The following BMPR2 variants were observed in gnomAD, a reference collection of about 807,000 sequenced individuals.
BMPR2 encodes bone morphogenetic protein receptor type 2, also known as bone morphogenetic protein receptor type-2.
In BMPR2, 29 loss-of-function variants were observed where a neutral mutation model predicts 100.8. The ratio of observed to expected loss-of-function variants is 0.29; its 90% confidence interval spans 0.21 to 0.39. The LOEUF (loss-of-function observed/expected upper bound fraction) is 0.39. Among genes scored for constraint, BMPR2 ranks in the 10% least tolerant of loss-of-function variants. The probability of loss-of-function intolerance (pLI) is 1.00; values close to 1 mark genes in which losing one functional copy is unlikely to be tolerated. For synonymous variants in BMPR2, 382 were observed against 442.3 expected (o/e 0.86, Z 1.71); for missense variants, 1,011 against 1,274.5 (o/e 0.79, Z 3.15).
intron 1 of BMPR2, among the ~76,000 whole-genome samples, chr2:202,386,127 T>C (rs1690421855): frequency 6.6e-6 from 1 of 152,216 alleles, no homozygotes; most frequent in African/African-American, 2.4e-5. Context: ...ATTCAGTCTT[T>C]AGACCTTTTC....
chr2:202,457,438 TATA>T (rs1188820675), intron 1 of BMPR2, among the ~76,000 whole-genome samples: 3 of 151,452 alleles, frequency 2.0e-5, no homozygotes, highest in African/African-American at 7.2e-5. Context: ...AATATAGATT[TATA>T]ATGACTTTTT....
chr2:202,507,541 T>C (rs902190607), intron 3 of BMPR2, among the ~76,000 whole-genome samples: 5 of 151,134 alleles, frequency 3.3e-5, no homozygotes, highest in African/African-American at 1.2e-4. Context: ...AGGCATGCAC[T>C]ACCACACCCA....
intron 10 of BMPR2, among the ~76,000 whole-genome samples, chr2:202,548,133 G>A (rs1490893436): frequency 6.6e-6 from 1 of 151,552 alleles, no homozygotes; most frequent in East Asian, 1.9e-4. Context: ...TTGCCCTCTG[G>A]TCTTTTTAAG....
At chr2:202,485,545 C>CTTTTTCTTTTTTTTTTTTTTTT (rs1692756931) in intron 3 of BMPR2, among the ~76,000 whole-genome samples, 2 of 64,010 alleles carry the variant, frequency 3.1e-5, no homozygotes, top group African/African-American at 5.7e-5. Flanking sequence ...TTGCCTTTAT[C>CTTTTTCTTTTTTTTTTTTTTTT]TTTTTTTTTT....
At chr2:202,524,219 G>A (rs1687867652) in intron 7 of BMPR2, among the ~76,000 whole-genome samples, 1 of 152,020 alleles carries the variant, frequency 6.6e-6, no homozygotes, top group Non-Finnish European at 1.5e-5. Context: ...AAAATTAGTC[G>A]GGTGTGGTGG....
chr2:202,392,073 CTTT>C (rs771003835), intron 1 of BMPR2, among the ~76,000 whole-genome samples: 2 of 135,608 alleles, frequency 1.5e-5, no homozygotes, highest in Non-Finnish European at 1.6e-5. Flanking sequence ...AGTCTACACT[CTTT>C]TTTTTTTTTT....
intron 1 of BMPR2, among the ~76,000 whole-genome samples, chr2:202,434,893 AAAAAAAAAAAAAAAAATATAT>A (rs1048297864): frequency 4.5e-5 from 3 of 66,828 alleles, no homozygotes; most frequent in East Asian, 4.5e-4. Flanking sequence ...AAAAAAAAAA[AAAAAAAAAAAAAAAAATATAT>A]ATATATATAT....
At chr2:202,507,699 CT>C (rs34200763) in intron 3 of BMPR2, among the ~76,000 whole-genome samples, 16,112 of 141,974 alleles carry the variant, frequency 0.11, 973 homozygotes, top group Non-Finnish European at 0.14. Flanking sequence ...CTTTTTTCAT[CT>C]TTTTTTTTTT....
chr2:202,490,318 G>GTA (rs1692874970), intron 3 of BMPR2, among the ~76,000 whole-genome samples: 1 of 151,798 alleles, frequency 6.6e-6, no homozygotes, highest in South Asian at 2.1e-4. Flanking sequence ...CAAAAGGTAT[G>GTA]TACACACACA....
At chr2:202,536,763 T>G (rs976625878) in intron 9 of BMPR2, among the ~76,000 whole-genome samples, 4 of 150,994 alleles carry the variant, frequency 2.6e-5, no homozygotes, top group Non-Finnish European at 5.9e-5. Context: ...TCCCAGCTAC[T>G]TGGGAGGCTG....
intron 6 of BMPR2, 45 bp downstream of exon 6, chr2:202,519,097 T>C (rs1687774452): frequency 6.3e-7 from 1 of 1,584,224 alleles, no homozygotes; most frequent in Non-Finnish European, 8.7e-7. Flanking sequence ...TGTGGTGGCT[T>C]ATGCCTGTAA....
intron 1 of BMPR2, among the ~76,000 whole-genome samples, chr2:202,406,493 A>G (rs1193904799): frequency 6.6e-6 from 1 of 152,258 alleles, no homozygotes; most frequent in African/African-American, 2.4e-5. Context: ...ATAGGAATTT[A>G]AGGCCCAGGC....
chr2:202,407,198 C>T (rs1038935702), intron 1 of BMPR2, among the ~76,000 whole-genome samples: 1 of 152,034 alleles, frequency 6.6e-6, no homozygotes, highest in Non-Finnish European at 1.5e-5. Context: ...CTACCTTGGC[C>T]TCCCAAAGTG....
chr2:202,555,851 G>C lies in BMPR2; in HGVS notation c.2186G>C (p.Gly729Ala), dbSNP rs201816099. 331 of 1,613,976 alleles carry C rather than the reference G, an allele frequency of 2.1e-4. No individual in the cohort carries two copies. The highest frequency in any genetic ancestry group is 2.7e-4 in the Non-Finnish European group (319 of 1,180,032). ...GQQDFTQTANGQACLIPDVLP... is the reference protein window; with the variant it reads ...GQQDFTQTANAQACLIPDVLP... ...CAGGACTTCACACAGACTGCAAATG[G>C]CCAAGCATGTTTGATTCCTGATGTT... is the stretch of plus-strand genomic sequence containing the variant. Residue 729 changes from glycine to alanine, a missense_variant, in exon 12 of 13, where the codon GGC becomes GCC. Transcript: ENST00000374580.
At chr2:202,541,963 T>C (rs527436339) in intron 9 of BMPR2, among the ~76,000 whole-genome samples, 31 of 151,922 alleles carry the variant, frequency 2.0e-4, no homozygotes, top group Non-Finnish European at 3.8e-4. Flanking sequence ...ATATGAAAAT[T>C]AGCTGGACGT....
At chr2:202,403,340 C>T (rs1043209374) in intron 1 of BMPR2, among the ~76,000 whole-genome samples, 3 of 152,030 alleles carry the variant, frequency 2.0e-5, no homozygotes, top group Non-Finnish European at 2.9e-5. Flanking sequence ...GCTGGGACTA[C>T]AGTTGCGCAC....
chr2:202,542,796 G>A (rs1688300621), intron 10 of BMPR2, among the ~76,000 whole-genome samples: 1 of 152,090 alleles, frequency 6.6e-6, no homozygotes, highest in African/African-American at 2.4e-5. Flanking sequence ...GTTAAGTAGT[G>A]CAGGCTTACA....
chr2:202,437,632 C>T (rs1279490128), intron 1 of BMPR2, among the ~76,000 whole-genome samples: 1 of 150,500 alleles, frequency 6.6e-6, no homozygotes, highest in East Asian at 1.9e-4. Context: ...ACTCCCTCCC[C>T]AAGCCTCTGG....
At chr2:202,386,698 CCAGA>C (rs1444965269) in intron 1 of BMPR2, among the ~76,000 whole-genome samples, 8 of 149,212 alleles carry the variant, frequency 5.4e-5, no homozygotes, top group Non-Finnish European at 1.0e-4. Context: ...TTTTTTTTTG[CCAGA>C]CAGAGTCTTG....
Sources: gnomAD v4.1 joint callset for allele counts (sites outside exome capture counted in the v4.1 genomes callset) on GRCh38, gnomAD v4.1.1 for gene constraint, MANE v1.5 for transcripts, NCBI Gene and HGNC (gene_info 2026-07-23, HGNC 2026-07-21) for gene names.